PTPN1: variants seen among roughly 807,000 people sequenced by gnomAD.
The protein encoded by PTPN1 is tyrosine-protein phosphatase non-receptor type 1.
In PTPN1, 12 loss-of-function variants were observed where a neutral mutation model predicts 59.9. The ratio of observed to expected loss-of-function variants is 0.20; its 90% CI spans 0.13 to 0.32. The LOEUF (loss-of-function observed/expected upper bound fraction) is 0.32. PTPN1 is among the 10% of genes least tolerant of loss of function. The pLI is 1.00. For missense variants in PTPN1, 356 were observed against 549.2 expected (o/e 0.65, Z 3.52); for synonymous variants, 178 against 203.6 (o/e 0.87, Z 1.07).
At chr20:50,514,817 G>A (rs1235002499) in intron 1 of PTPN1, among the ~76,000 whole-genome samples, 1 of 152,168 alleles carries the variant, frequency 6.6e-6, no homozygotes, top group East Asian at 1.9e-4. Context: ...ATTCTAGCTG[G>A]GTCATTGTTC....
chr20:50,546,186 C>T (rs754758593), intron 1 of PTPN1, among the ~76,000 whole-genome samples: 10 of 152,210 alleles, frequency 6.6e-5, no homozygotes, highest in African/African-American at 1.7e-4. Flanking sequence ...CCCCCTGAAG[C>T]GCAGGCTCTG....
intron 2 of PTPN1, 134 bp from the exon 3 acceptor site, chr20:50,564,835 C>A: frequency 7.2e-7 from 1 of 1,395,728 alleles, no homozygotes; most frequent in Non-Finnish European, 9.6e-7. Context: ...CTAATCTCAA[C>A]TAAAACAGGG....
At chr20:50,541,006 A>T (rs186525895) in intron 1 of PTPN1, among the ~76,000 whole-genome samples, 11 of 152,312 alleles carry the variant, frequency 7.2e-5, no homozygotes, top group Non-Finnish European at 1.6e-4. Context: ...GGGAGCCTAG[A>T]TTCTGTGTCA....
intron 1 of PTPN1, among the ~76,000 whole-genome samples, chr20:50,530,123 C>T (rs1260554456): frequency 6.6e-6 from 1 of 151,540 alleles, no homozygotes; most frequent in Non-Finnish European, 1.5e-5. Context: ...ATCCACCTGC[C>T]TTGGCCTCCC....
chr20:50,513,439 C>G (rs1338690490), intron 1 of PTPN1, among the ~76,000 whole-genome samples: 1 of 152,106 alleles, frequency 6.6e-6, no homozygotes, highest in Non-Finnish European at 1.5e-5. Context: ...CTCATGTGCT[C>G]CCCTCCATCT....
intron 1 of PTPN1, among the ~76,000 whole-genome samples, chr20:50,556,417 C>T (rs1008744418): frequency 1.3e-5 from 2 of 152,082 alleles, no homozygotes; most frequent in Non-Finnish European, 2.9e-5. Context: ...TCTTGAACTC[C>T]TGGGCTCAAA....
At chr20:50,535,306 C>T (rs762609616) in intron 1 of PTPN1, among the ~76,000 whole-genome samples, 8 of 152,106 alleles carry the variant, frequency 5.3e-5, no homozygotes, top group Admixed American at 1.3e-4. Context: ...GCCAGGTCCC[C>T]GTACACCTGC....
At chr20:50,515,465 A>T (rs574849243) in intron 1 of PTPN1, among the ~76,000 whole-genome samples, 99 of 151,832 alleles carry the variant, frequency 6.5e-4, no homozygotes, top group South Asian at 4.6e-3. Context: ...TTTTTTTTTT[A>T]AATTTTTATA....
intron 1 of PTPN1, among the ~76,000 whole-genome samples, chr20:50,556,275 A>G (rs1465517745): frequency 6.6e-6 from 1 of 152,036 alleles, no homozygotes; most frequent in Admixed American, 6.5e-5. Flanking sequence ...TGCAGATTCA[A>G]TCTCCTGGGC....
chr20:50,561,294 T>C (rs1463143718), intron 1 of PTPN1, 69 bp from the exon 2 acceptor site: 1 of 1,182,090 alleles, frequency 8.5e-7, no homozygotes, highest in African/African-American at 1.5e-5. Context: ...CTCTCTTTGA[T>C]GTCTGTTTCT....
intron 1 of PTPN1, among the ~76,000 whole-genome samples, chr20:50,537,757 G>A (rs765186045): frequency 2.0e-5 from 3 of 152,126 alleles, no homozygotes; most frequent in Non-Finnish European, 2.9e-5. Context: ...TTTAGATACG[G>A]TTTAGCCAGT....
intron 4 of PTPN1, chr20:50,574,231 G>A (rs546039719): frequency 2.3e-4 from 84 of 368,030 alleles, no homozygotes; most frequent in African/African-American, 1.4e-3. Context: ...CCTCGTAGAC[G>A]GTGAGAAAGC....
At chr20:50,578,936 G>A (rs554216551) in intron 6 of PTPN1, among the ~76,000 whole-genome samples, 1 of 152,166 alleles carries the variant, frequency 6.6e-6, no homozygotes, top group African/African-American at 2.4e-5. Context: ...AGATGGGGGA[G>A]GTCCCAGACT....
intron 1 of PTPN1, among the ~76,000 whole-genome samples, chr20:50,525,172 G>C (rs2082569183): frequency 6.6e-6 from 1 of 151,990 alleles, no homozygotes; most frequent in South Asian, 2.1e-4. Context: ...CGATTCTCCT[G>C]CCTCAGCCTC....
chr20:50,511,593 G>A (rs912717256), intron 1 of PTPN1, among the ~76,000 whole-genome samples: 3 of 152,144 alleles, frequency 2.0e-5, no homozygotes, highest in Non-Finnish European at 4.4e-5. Flanking sequence ...CTTGTCTTAG[G>A]AGTCATCTCC....
intron 1 of PTPN1, among the ~76,000 whole-genome samples, chr20:50,536,845 ATACT>A (rs1195693496): frequency 3.3e-5 from 5 of 152,198 alleles, no homozygotes; most frequent in African/African-American, 7.2e-5. Flanking sequence ...TTGTTAAGAA[ATACT>A]TACTTTTCTA....
At chr20:50,548,907 G>A (rs558910162) in intron 1 of PTPN1, among the ~76,000 whole-genome samples, 2 of 151,936 alleles carry the variant, frequency 1.3e-5, no homozygotes, top group African/African-American at 2.4e-5. Context: ...TAGTACAGGC[G>A]GGGTTTTACC....
chr20:50,581,314 C>G lies in PTPN1; in HGVS notation c.1138C>G (p.Arg380Gly), dbSNP rs763052949. The stretch of plus-strand genomic sequence containing the variant: ...AAGTCGGGTCGTGGGGGGAAGTCTT[C>G]GAGGTGCCCAGGCTGCCTCCCCAGC... ...VRSRVVGGSL[R>G]GAQAASPAKG... The change falls in exon 9 of 10, where the codon CGA becomes GGA. Residue 380 changes from arginine to glycine, a missense_variant. Coordinates refer to ENST00000371621, the MANE Select transcript of PTPN1 (RefSeq NM_002827.4). 3 of 1,613,658 alleles carry G rather than the reference C, an allele frequency of 1.9e-6. No homozygotes were observed. The Admixed American group carries it at 5.0e-5, about 27-fold the overall frequency.
intron 1 of PTPN1, among the ~76,000 whole-genome samples, chr20:50,533,213 A>G (rs1296450987): frequency 1.3e-5 from 2 of 152,166 alleles, no homozygotes; most frequent in African/African-American, 2.4e-5. Context: ...AGAATCCCAG[A>G]TGACTAATCT....
Sources: allele counts gnomAD v4.1 joint callset (sites outside exome capture counted in the v4.1 genomes callset), GRCh38; gene constraint gnomAD v4.1.1; transcripts MANE v1.5; gene names NCBI Gene and HGNC (gene_info 2026-07-23, HGNC 2026-07-21).